The following LHPP variants were observed in gnomAD, a reference collection of about 807,000 sequenced individuals.
LHPP encodes hLHPP.
In LHPP, 24 loss-of-function variants were observed where a neutral mutation model predicts 30.3. The observed-to-expected ratio is 0.79, with a 90% confidence interval of 0.57 to 1.11. The LOEUF (loss-of-function observed/expected upper bound fraction) is 1.11. Ranked by LOEUF, LHPP falls within the 50% of genes most tolerant of loss-of-function variation. The probability of loss-of-function intolerance (pLI) is 0.00; values close to 1 mark genes in which losing one functional copy is unlikely to be tolerated. For synonymous variants in LHPP, 150 were observed against 157.1 expected (o/e 0.95, Z 0.34); for missense variants, 356 against 367.2 (o/e 0.97, Z 0.25).
chr10:124,482,646 C>T (rs1310496786), intron 1 of LHPP, among the ~76,000 whole-genome samples: 3 of 151,934 alleles, frequency 2.0e-5, no homozygotes, highest in Non-Finnish European at 4.4e-5. Flanking sequence ...ACCCCGCCTG[C>T]CTCTGTAGGT....
chr10:124,485,537 C>CT (rs1334768226), intron 2 of LHPP, among the ~76,000 whole-genome samples: 3 of 151,680 alleles, frequency 2.0e-5, no homozygotes, highest in Non-Finnish European at 2.9e-5. Context: ...GATTTTCTGT[C>CT]TAACATTTTA....
intron 5 of LHPP, among the ~76,000 whole-genome samples, chr10:124,500,922 C>G (rs532954667): frequency 1.5e-4 from 23 of 152,060 alleles, no homozygotes; most frequent in African/African-American, 5.3e-4. Context: ...AACTGAAACA[C>G]GTGTTCAAAC....
intron 6 of LHPP, among the ~76,000 whole-genome samples, chr10:124,543,735 AT>A (rs35442669): frequency 6.6e-6 from 1 of 151,488 alleles, no homozygotes; most frequent in Non-Finnish European, 1.5e-5. Context: ...TAGTTTGTAC[AT>A]TTTTTATGGC....
chr10:124,490,367 G>T, intron 3 of LHPP: 1 of 314,024 alleles, frequency 3.2e-6, no homozygotes. Flanking sequence ...TCCCCATGTG[G>T]GTGAGGTACC....
rs928598143 is a variant in LHPP at position 124,492,024 on chromosome 10, C to T, written c.467+3449C>T. Among the ~76,000 whole-genome samples the T allele has an allele frequency of 3.9e-5, 6 of 152,196 alleles. No individual in the cohort carries two copies. In the South Asian group the frequency reaches 1.0e-3, roughly 26 times the overall value. ...AGATTTCTGGATTCTTTTGAAGAATCAGAAGATCTGACAATACGGAGCCTC... is the reference window on the plus strand; with the variant it reads ...AGATTTCTGGATTCTTTTGAAGAATTAGAAGATCTGACAATACGGAGCCTC... On this transcript the variant is annotated intron_variant, in intron 3 of 6. Coordinates refer to ENST00000368842, the MANE Select transcript of LHPP (RefSeq NM_022126.4).
rs1392101636 is a variant in LHPP at position 124,478,600 on chromosome 10, G to A, written c.126-5539G>A. The stretch of plus-strand genomic sequence containing the variant: ...ATGAGAGGGTTTTCATTATTTGCGG[G>A]TGAGCGCTCCTGGCAGATGCCAACA... On this transcript the variant is annotated intron_variant, in intron 1 of 6. Coordinates refer to ENST00000368842, the MANE Select transcript of LHPP (RefSeq NM_022126.4). This position sits in a 1 kb window ranked among gnomAD's most constrained non-coding sequence, Gnocchi z 4.7. 1.3e-5 allele frequency among the ~76,000 whole-genome samples: 2 copies of A among 152,238 alleles called. No homozygotes were observed. The highest frequency in any genetic ancestry group is 4.8e-5 in the African/African-American group (2 of 41,456).
chr10:124,505,129 A>G (rs1273160556), intron 5 of LHPP, among the ~76,000 whole-genome samples: 1 of 152,132 alleles, frequency 6.6e-6, no homozygotes, highest in Non-Finnish European at 1.5e-5. Flanking sequence ...ACAGTGGAGT[A>G]GCAGCTGCAT....
chr10:124,469,028 T>C (rs1223232252), intron 1 of LHPP, among the ~76,000 whole-genome samples: 4 of 152,240 alleles, frequency 2.6e-5, no homozygotes, highest in Non-Finnish European at 4.4e-5. Context: ...CAGGCCCTAC[T>C]TGCCCAGGTG....
At chr10:124,605,294 C>T (rs1949076826) in intron 6 of LHPP, 1 of 151,798 alleles carries the variant, frequency 6.6e-6, no homozygotes, top group African/African-American at 2.4e-5. Flanking sequence ...GTGGGCACTT[C>T]CTGGGTGCCT....
At position 124,517,399 on chromosome 10, in the gene LHPP, A is replaced by G. The variant is rs549450110; in HGVS notation, c.716+128A>G. On this transcript the variant is annotated intron_variant, in intron 6 of 6. Coordinates refer to ENST00000368842, the MANE Select transcript of LHPP (RefSeq NM_022126.4). The surrounding 1 kb of genome is among the most constrained non-coding windows in gnomAD (Gnocchi z 4.1). ...AAAGAGCAGTATGTGGGCATTCACTATCTTGTATGTAATGGACCTCTAAGA... is the reference window on the plus strand; with the variant it reads ...AAAGAGCAGTATGTGGGCATTCACTGTCTTGTATGTAATGGACCTCTAAGA... 1.1e-3 allele frequency: 640 copies of G among 597,076 alleles called. 1 individual carries two copies. Among genetic ancestry groups the G allele is most frequent in the Non-Finnish European group, 1.7e-3 (584 of 353,218 alleles). The allele number at this position is 597,076 out of a possible 1,614,324, so 37.0% of individuals were successfully genotyped here.
Position 124,501,618 on chromosome 10 carries a change from A to AG in LHPP, c.624+3490_624+3491insG, listed in dbSNP as rs1953902957. On this transcript the variant is annotated intron_variant, in intron 5 of 6. Coordinates refer to ENST00000368842, the MANE Select transcript of LHPP (RefSeq NM_022126.4). ...CTCTGTCTTAAAAAAAAAAAAAAAA[A>AG]AAAGAAAAATATTCTGGAACTGGAC... 5.3e-5 allele frequency among the ~76,000 whole-genome samples: 8 copies of AG among 150,580 alleles called. No individual in the cohort carries two copies. The South Asian group carries it at 1.5e-3, about 28-fold the overall frequency.
rs3740542 is a variant in LHPP at position 124,510,720 on chromosome 10, G to C, written c.625-6460G>C. The stretch of plus-strand genomic sequence containing the variant: ...ACATGTAATATTTGGAAGACCCATT[G>C]CATTTCCAAGGAACCTTCTAGCAGG... On this transcript the variant is annotated intron_variant, in intron 5 of 6. Transcript: ENST00000368842. The surrounding 1 kb of genome is among the most constrained non-coding windows in gnomAD (Gnocchi z 4.0). Among the ~76,000 whole-genome samples the C allele has an allele frequency of 0.12, 18,841 of 152,278 alleles. 1,495 individuals are homozygous for C. Among genetic ancestry groups the C allele is most frequent in the South Asian group, 0.31 (1,498 of 4,826 alleles).
chr10:124,509,962 G>A (rs1954258309), intron 5 of LHPP, among the ~76,000 whole-genome samples: 1 of 152,180 alleles, frequency 6.6e-6, no homozygotes, highest in Non-Finnish European at 1.5e-5. Flanking sequence ...GGACACTGAA[G>A]AGGAGACCAG....
chr10:124,474,453 T>C (rs1952882181), intron 1 of LHPP, among the ~76,000 whole-genome samples: 2 of 152,128 alleles, frequency 1.3e-5, no homozygotes, highest in East Asian at 1.9e-4. Context: ...TGAAGTCTTG[T>C]AGTTGTTGAA....
chr10:124,579,117 G>A (rs562821878), intron 6 of LHPP, among the ~76,000 whole-genome samples: 17 of 152,306 alleles, frequency 1.1e-4, no homozygotes, highest in African/African-American at 3.8e-4. Context: ...ATGTTGTAAC[G>A]GGCTGAGAGT....
At chr10:124,612,645 T>A (rs1051180308) in intron 6 of LHPP, among the ~76,000 whole-genome samples, 1 of 152,172 alleles carries the variant, frequency 6.6e-6, no homozygotes, top group East Asian at 1.9e-4. Context: ...GCCTGGGGAA[T>A]GGCTGAAGGC....
intron 6 of LHPP, among the ~76,000 whole-genome samples, chr10:124,597,198 T>C (rs1433409102): frequency 1.3e-5 from 2 of 152,192 alleles, no homozygotes; most frequent in African/African-American, 2.4e-5. Flanking sequence ...AGCTTCTCTC[T>C]TCCCCAGCTT....
intron 5 of LHPP, among the ~76,000 whole-genome samples, chr10:124,501,586 A>G: frequency 6.9e-6 from 1 of 145,840 alleles, no homozygotes; most frequent in African/African-American, 2.6e-5. Flanking sequence ...TGGGCGACAG[A>G]GCCAGACTCT....
At chr10:124,563,313 C>CTTTTTTTTTTTT (rs58678509) in intron 6 of LHPP, among the ~76,000 whole-genome samples, 2 of 138,992 alleles carry the variant, frequency 1.4e-5, no homozygotes, top group Non-Finnish European at 3.1e-5. Flanking sequence ...CTCTCTTTTT[C>CTTTTTTTTTTTT]TTTTTTTTTT....
Sources: allele counts gnomAD v4.1 joint callset (sites outside exome capture counted in the v4.1 genomes callset), GRCh38; gene constraint gnomAD v4.1.1; non-coding constraint Gnocchi (gnomAD v3.1); transcripts MANE v1.5; gene names NCBI Gene and HGNC (gene_info 2026-07-23, HGNC 2026-07-21).